The following GALK2 variants were observed in gnomAD, a reference collection of about 807,000 sequenced individuals.
GALK2 encodes galactokinase 2, also known as N-acetylgalactosamine kinase.
In GALK2, 36 loss-of-function variants were observed where a neutral mutation model predicts 52.4. The observed-to-expected ratio is 0.69, with a 90% CI of 0.53 to 0.91. GALK2 has a LOEUF of 0.91. Ranked by LOEUF, GALK2 falls within the 40% of genes least tolerant of loss-of-function variation. The probability of loss-of-function intolerance (pLI) is 0.00; values close to 1 mark genes in which losing one functional copy is unlikely to be tolerated. For missense variants in GALK2, 579 were observed against 559.1 expected (o/e 1.04, Z -0.36); for synonymous variants, 176 against 199.1 (o/e 0.88, Z 0.98).
intron 2 of GALK2, among the ~76,000 whole-genome samples, chr15:49,214,641 C>G (rs949180159): frequency 6.6e-6 from 1 of 151,830 alleles, no homozygotes; most frequent in African/African-American, 2.4e-5. Flanking sequence ...TGCCCGGCTG[C>G]TTTGTCACTT....
At chr15:49,165,669 A>G (rs2084795440), upstream of GALK2, among the ~76,000 whole-genome samples, 1 of 152,128 alleles carries the variant, frequency 6.6e-6, no homozygotes, top group African/African-American at 2.4e-5. Context: ...GGTGTATTAG[A>G]TAAAATATAT....
intron 7 of GALK2, among the ~76,000 whole-genome samples, chr15:49,290,758 T>C (rs1187130366): frequency 6.6e-6 from 1 of 152,226 alleles, no homozygotes; most frequent in Non-Finnish European, 1.5e-5. Context: ...GAATGTTCAC[T>C]TCTAGCACAG....
chr15:49,173,429 A>G (rs1595876712), intron 1 of GALK2, among the ~76,000 whole-genome samples: 1 of 152,328 alleles, frequency 6.6e-6, no homozygotes, highest in Non-Finnish European at 1.5e-5. Context: ...GACACTGAAT[A>G]CATTTTTAAT....
At chr15:49,269,881 G>T (rs986420709) in intron 5 of GALK2, among the ~76,000 whole-genome samples, 28 of 152,140 alleles carry the variant, frequency 1.8e-4, no homozygotes, top group African/African-American at 6.8e-4. Flanking sequence ...ATCCCCAATT[G>T]TCTCCTCCTT....
chr15:49,366,537 A>T, intron 3 of GALK2: 3 of 1,545,256 alleles, frequency 1.9e-6, no homozygotes, highest in Non-Finnish European at 2.7e-6. Flanking sequence ...GGAAGAGCTG[A>T]CCAATGGGGG....
chr15:49,365,732 C>A, intron 3 of GALK2: 1 of 883,668 alleles, frequency 1.1e-6, no homozygotes. Flanking sequence ...TCCAAGATAT[C>A]TTGTAAAATC....
chr15:49,365,874 C>T, intron 3 of GALK2: 1 of 933,386 alleles, frequency 1.1e-6, no homozygotes, highest in East Asian at 2.4e-5. Context: ...CATATGGCAT[C>T]TTATGAATTA....
At chr15:49,262,570 C>T (rs1465695651) in intron 5 of GALK2, among the ~76,000 whole-genome samples, 1 of 152,258 alleles carries the variant, frequency 6.6e-6, no homozygotes, top group East Asian at 1.9e-4. Context: ...CCATTTCCTT[C>T]AGTTCTGCTC....
chr15:49,262,492 A>G (rs2092162994), intron 5 of GALK2, among the ~76,000 whole-genome samples: 1 of 151,966 alleles, frequency 6.6e-6, no homozygotes, highest in Non-Finnish European at 1.5e-5. Context: ...CGGTCTGTCA[A>G]TTTTGTTGAT....
intron 9 of GALK2, among the ~76,000 whole-genome samples, chr15:49,321,616 A>G (rs935563772): frequency 1.3e-5 from 2 of 152,210 alleles, no homozygotes; most frequent in African/African-American, 2.4e-5. Context: ...GTACCATAAA[A>G]TATTAGATCA....
intron 5 of GALK2, among the ~76,000 whole-genome samples, chr15:49,262,369 G>C (rs887389717): frequency 6.6e-6 from 1 of 152,142 alleles, no homozygotes; most frequent in Non-Finnish European, 1.5e-5. Flanking sequence ...GGTGTTTGTA[G>C]TATTCTCTGA....
chr15:49,235,806 C>G (rs2090769300), intron 3 of GALK2, 45 bp from the exon 4 acceptor site: 1 of 1,316,814 alleles, frequency 7.6e-7, no homozygotes, highest in Non-Finnish European at 1.1e-6. Context: ...TTTTGCAGCT[C>G]AAGGCCTACA....
chr15:49,275,938 T>C (rs2031584435), intron 5 of GALK2, among the ~76,000 whole-genome samples: 1 of 152,212 alleles, frequency 6.6e-6, no homozygotes, highest in Non-Finnish European at 1.5e-5. Flanking sequence ...CCCAGGCTGC[T>C]TCAAGAGAAC....
intron 1 of GALK2, among the ~76,000 whole-genome samples, chr15:49,197,152 C>G (rs1229407210): frequency 2.0e-5 from 3 of 152,218 alleles, no homozygotes; most frequent in African/African-American, 4.8e-5. Context: ...TTAAATTCTA[C>G]AATTTTGATC....
upstream of GALK2, among the ~76,000 whole-genome samples, chr15:49,168,729 A>AAAAAAGATTCTGT: frequency 6.6e-6 from 1 of 151,842 alleles, no homozygotes; most frequent in South Asian, 2.1e-4. Context: ...AAAAAAAAAA[A>AAAAAAGATTCTGT]AAAAGATTCT....
intron 1 of GALK2, among the ~76,000 whole-genome samples, chr15:49,174,794 G>GCAT (rs1488572527): frequency 6.6e-6 from 1 of 152,000 alleles, no homozygotes; most frequent in Non-Finnish European, 1.5e-5. Context: ...TATAATTTAT[G>GCAT]CATTGTAGTA....
chr15:49,328,447 T>A lies in GALK2; in HGVS notation c.*288T>A. Reference sequence around the variant, plus strand: ...ATTTGAAGATTTTAAAGATGAATGGTAAAACACACTCTTAATACTGATTAC... The same window carrying A: ...ATTTGAAGATTTTAAAGATGAATGGAAAAACACACTCTTAATACTGATTAC... On this transcript the variant is annotated 3_prime_UTR_variant, in exon 10 of 10. Coordinates refer to ENST00000560031, the MANE Select transcript of GALK2 (RefSeq NM_002044.4). 1 of 1,466,020 alleles carries A rather than the reference T, an allele frequency of 6.8e-7. No individual in the cohort carries two copies. Among genetic ancestry groups the A allele is most frequent in the Non-Finnish European group, 9.0e-7 (1 of 1,109,618 alleles). 90.8% of individuals were successfully genotyped at this position (1,466,020 alleles called of 1,614,324 possible). A position where few individuals can be genotyped will look rare whatever the true frequency, so the allele number is the denominator to read the frequency against.
intron 8 of GALK2, among the ~76,000 whole-genome samples, chr15:49,304,465 G>C (rs560727422): frequency 1.3e-5 from 2 of 152,292 alleles, no homozygotes; most frequent in Admixed American, 6.5e-5. Context: ...ATCTCAACAC[G>C]TTTGTCCACA....
intron 5 of GALK2, among the ~76,000 whole-genome samples, chr15:49,242,779 C>A (rs2091162539): frequency 6.6e-6 from 1 of 152,170 alleles, no homozygotes; most frequent in South Asian, 2.1e-4. Flanking sequence ...GGCAAAAGAT[C>A]TATGAAAAAG....
Sources: allele counts gnomAD v4.1 joint callset (sites outside exome capture counted in the v4.1 genomes callset), GRCh38; gene constraint gnomAD v4.1.1; transcripts MANE v1.5; gene names NCBI Gene and HGNC (gene_info 2026-07-23, HGNC 2026-07-21).